SAMTOR: variants seen among roughly 807,000 people sequenced by gnomAD.
SAMTOR encodes S-adenosylmethionine sensor upstream of mTORC1.
At chr7:112,855,495 T>C in the SAMTOR span, among the ~76,000 whole-genome samples, 3 of 152,184 alleles carry the variant, frequency 2.0e-5, no homozygotes, top group African/African-American at 7.2e-5. Context: ...TCAAGCCTCA[T>C]TCAGGTTTTT....
the SAMTOR span, among the ~76,000 whole-genome samples, chr7:112,873,165 C>T: frequency 6.6e-6 from 1 of 152,114 alleles, no homozygotes; most frequent in Non-Finnish European, 1.5e-5. Flanking sequence ...AGATTCAATG[C>T]TCTTCCTATC....
the SAMTOR span, among the ~76,000 whole-genome samples, chr7:112,894,264 A>G: frequency 2.2e-4 from 33 of 152,120 alleles, no homozygotes; most frequent in African/African-American, 6.3e-4. Context: ...TAGAACATAC[A>G]TGACATTTAT....
the SAMTOR span, among the ~76,000 whole-genome samples, chr7:112,904,933 G>T: frequency 6.6e-6 from 1 of 152,138 alleles, no homozygotes; most frequent in African/African-American, 2.4e-5. Context: ...TCCAGAGAGA[G>T]ACTGCCCCTC....
At chr7:112,886,230 G>C in the SAMTOR span, among the ~76,000 whole-genome samples, 1 of 152,116 alleles carries the variant, frequency 6.6e-6, no homozygotes, top group Non-Finnish European at 1.5e-5. Flanking sequence ...ATTTGGGTGA[G>C]GACACGGCCA....
At chr7:112,919,921 G>C in the SAMTOR span, among the ~76,000 whole-genome samples, 2 of 152,138 alleles carry the variant, frequency 1.3e-5, no homozygotes, top group African/African-American at 4.8e-5. Flanking sequence ...ACTCCAAATA[G>C]ACCAATAACA....
At chr7:112,911,601 A>G in the SAMTOR span, among the ~76,000 whole-genome samples, 1 of 152,182 alleles carries the variant, frequency 6.6e-6, no homozygotes, top group African/African-American at 2.4e-5. Flanking sequence ...AGACCCACAG[A>G]TAAGACATGT....
chr7:112,834,236 A>G, the SAMTOR span, among the ~76,000 whole-genome samples: 1 of 152,224 alleles, frequency 6.6e-6, no homozygotes, highest in South Asian at 2.1e-4. Context: ...ATGAACATGA[A>G]TAGTTATCCA....
the SAMTOR span, among the ~76,000 whole-genome samples, chr7:112,933,829 C>G: frequency 6.6e-6 from 1 of 152,084 alleles, no homozygotes; most frequent in African/African-American, 2.4e-5. Flanking sequence ...TTAAAAAGTT[C>G]ACTGGAAGAT....
At chr7:112,890,798 CT>C in the SAMTOR span, among the ~76,000 whole-genome samples, 1 of 151,728 alleles carries the variant, frequency 6.6e-6, no homozygotes, top group Non-Finnish European at 1.5e-5. Flanking sequence ...TCAAGTGATC[CT>C]TTCGCTTTAG....
the SAMTOR span, among the ~76,000 whole-genome samples, chr7:112,894,569 C>T: frequency 7.9e-3 from 1,200 of 152,062 alleles, 15 homozygotes; most frequent in African/African-American, 0.027. Context: ...TGATGGAAGG[C>T]GAAAGGCATA....
chr7:112,833,530 T>C, the SAMTOR span, among the ~76,000 whole-genome samples: 4 of 152,158 alleles, frequency 2.6e-5, no homozygotes, highest in African/African-American at 7.2e-5. Context: ...TATAAAAAAT[T>C]TGTATTTCTT....
the SAMTOR span, among the ~76,000 whole-genome samples, chr7:112,843,738 T>G: frequency 1.3e-5 from 2 of 151,966 alleles, no homozygotes; most frequent in Non-Finnish European, 2.9e-5. Context: ...GTACCACTCC[T>G]ACTGAAACTA....
chr7:112,901,997 AC>A, the SAMTOR span, among the ~76,000 whole-genome samples: 1 of 152,184 alleles, frequency 6.6e-6, no homozygotes, highest in Non-Finnish European at 1.5e-5. Context: ...ACACAGAAGA[AC>A]CTTAAATGCT....
At chr7:112,856,501 C>T in the SAMTOR span, among the ~76,000 whole-genome samples, 7,547 of 152,138 alleles carry the variant, frequency 0.05, 615 homozygotes, top group African/African-American at 0.17. Context: ...CTACCTGCCT[C>T]GGCCTCCCAA....
chr7:112,938,395 G>GA, the SAMTOR span, among the ~76,000 whole-genome samples: 4 of 152,172 alleles, frequency 2.6e-5, no homozygotes, highest in African/African-American at 9.7e-5. Flanking sequence ...TTTAAAGTTT[G>GA]AAAAATGAAA....
chr7:112,874,498 A>G, the SAMTOR span, among the ~76,000 whole-genome samples: 3 of 152,104 alleles, frequency 2.0e-5, no homozygotes, highest in Non-Finnish European at 4.4e-5. Flanking sequence ...AACGTAGAGG[A>G]GGGAGGTAGG....
the SAMTOR span, among the ~76,000 whole-genome samples, chr7:112,896,262 G>A: frequency 6.6e-6 from 1 of 152,112 alleles, no homozygotes; most frequent in African/African-American, 2.4e-5. Context: ...TATATATGGA[G>A]AGCGAGCGAG....
chr7:112,857,126 C>T, the SAMTOR span, among the ~76,000 whole-genome samples: 2 of 143,890 alleles, frequency 1.4e-5, no homozygotes, highest in African/African-American at 5.4e-5. Context: ...CGCCTGTCGC[C>T]CAGGCCGGAC....
At chr7:112,854,959 G>A in the SAMTOR span, among the ~76,000 whole-genome samples, 1 of 152,112 alleles carries the variant, frequency 6.6e-6, no homozygotes, top group Non-Finnish European at 1.5e-5. Flanking sequence ...CTCTTATTGA[G>A]AATATTCTTT....
Sources: gnomAD v4.1 joint callset for allele counts (sites outside exome capture counted in the v4.1 genomes callset) on GRCh38, gnomAD v4.1.1 for gene constraint, MANE v1.5 for transcripts, NCBI Gene and HGNC (gene_info 2026-07-23, HGNC 2026-07-21) for gene names.